Variants in RPTOR observed in about 807,000 individuals in gnomAD.
The protein encoded by RPTOR is regulatory associated protein of MTOR complex 1, also known as regulatory-associated protein of mTOR.
Under a neutral mutation model 169.9 loss-of-function variants are expected in RPTOR, and 21 were observed. That is an observed-to-expected ratio of 0.12 (90% CI 0.09 to 0.18). The LOEUF is 0.18. Ranked by LOEUF, RPTOR falls within the 10% of genes least tolerant of loss-of-function variation. The pLI is 1.00. For synonymous variants in RPTOR, 732 were observed against 753.2 expected (o/e 0.97, Z 0.46); for missense variants, 1,133 against 1,855.9 (o/e 0.61, Z 7.16).
At chr17:80,900,101 C>T (rs1167396641) in intron 20 of RPTOR, among the ~76,000 whole-genome samples, 1 of 152,164 alleles carries the variant, frequency 6.6e-6, no homozygotes, top group African/African-American at 2.4e-5. Flanking sequence ...TGGGCGTCCT[C>T]CCTCTGCAGC....
chr17:80,590,482 A>T (rs1474071556), intron 1 of RPTOR, among the ~76,000 whole-genome samples: 1 of 149,822 alleles, frequency 6.7e-6, no homozygotes. Flanking sequence ...GCATGCAGGT[A>T]TGCGCACATG....
At chr17:80,699,285 AG>A (rs2066063008) in intron 3 of RPTOR, among the ~76,000 whole-genome samples, 1 of 152,240 alleles carries the variant, frequency 6.6e-6, no homozygotes, top group Non-Finnish European at 1.5e-5. Flanking sequence ...GTAAATCAGC[AG>A]GTAGAGTCCA....
At chr17:80,583,182 GTTTTTTTTTT>G (rs1166711662) in intron 1 of RPTOR, among the ~76,000 whole-genome samples, 3 of 79,270 alleles carry the variant, frequency 3.8e-5, no homozygotes, top group Non-Finnish European at 4.9e-5. Context: ...CCTCTTTCCT[GTTTTTTTTTT>G]TTTTTTTTTT....
At chr17:80,770,855 C>G (rs1248220331) in intron 6 of RPTOR, among the ~76,000 whole-genome samples, 1 of 152,242 alleles carries the variant, frequency 6.6e-6, no homozygotes, top group Non-Finnish European at 1.5e-5. Context: ...CCTAAGCCCA[C>G]CCACCTCTTT....
chr17:80,578,669 C>T (rs1043355595), intron 1 of RPTOR, among the ~76,000 whole-genome samples: 1 of 152,096 alleles, frequency 6.6e-6, no homozygotes, highest in African/African-American at 2.4e-5. Flanking sequence ...TTGACTGAGA[C>T]GGTAACTACA....
Position 80,923,526 on chromosome 17 carries a change from C to A in RPTOR, c.2661C>A (p.Ser887Arg). 1 of 1,613,418 alleles carries A rather than the reference C, an allele frequency of 6.2e-7. No individual in the cohort carries two copies. Among genetic ancestry groups the A allele is most frequent in the Non-Finnish European group, 8.5e-7 (1 of 1,180,000 alleles). ...CGGCGTCCAGCACCAGCAGCTCCAG[C>A]CTGACCAACGATGTGGCCAAGCAGC... is the stretch of plus-strand genomic sequence containing the variant. ...SPPASSTSSS[S>R]LTNDVAKQPV... is the part of the protein sequence containing the mutation. Residue 887 changes from serine (S) to arginine (R), a missense_variant, in exon 23 of 34, where the codon AGC (serine) becomes AGA (arginine). Ser to Arg is a moderately radical substitution (Grantham distance 110). Around this residue, in one of 9 missense-constraint regions of RPTOR, gnomAD observed 123 missense variants for 129.0 expected, o/e 0.95. Transcript: ENST00000306801.
intron 28 of RPTOR, among the ~76,000 whole-genome samples, chr17:80,955,050 G>T (rs185085851): frequency 2.0e-5 from 3 of 152,280 alleles, no homozygotes; most frequent in African/African-American, 4.8e-5. Context: ...ACTATAAAAG[G>T]CACATGCAGT....
chr17:80,596,103 C>T (rs1418742317), intron 1 of RPTOR, among the ~76,000 whole-genome samples: 1 of 152,172 alleles, frequency 6.6e-6, no homozygotes, highest in Non-Finnish European at 1.5e-5. Context: ...AAAACATGGT[C>T]CTCCAGAAGC....
chr17:80,853,774 CA>C (rs1567950173), intron 11 of RPTOR, among the ~76,000 whole-genome samples: 1 of 152,182 alleles, frequency 6.6e-6, no homozygotes. Flanking sequence ...GTCAGGAGAT[CA>C]AGACCATCCT....
intron 11 of RPTOR, among the ~76,000 whole-genome samples, chr17:80,854,547 A>G (rs1034771809): frequency 4.6e-5 from 7 of 152,228 alleles, no homozygotes; most frequent in Admixed American, 3.3e-4. Context: ...GAAAAGAATC[A>G]TGTACATGTG....
chr17:80,853,665 AAAG>A (rs2067819612), intron 11 of RPTOR, among the ~76,000 whole-genome samples: 1 of 152,188 alleles, frequency 6.6e-6, no homozygotes, highest in African/African-American at 2.4e-5. Flanking sequence ...GAAAAAATCA[AAAG>A]AAGTAATGCC....
intron 3 of RPTOR, among the ~76,000 whole-genome samples, chr17:80,679,210 G>A (rs1432205676): frequency 2.0e-5 from 3 of 152,226 alleles, no homozygotes; most frequent in African/African-American, 7.2e-5. Context: ...CCCAGAGGTG[G>A]AGGTTGCAGT....
chr17:80,648,675 A>C (rs2065615303), intron 3 of RPTOR, among the ~76,000 whole-genome samples: 2 of 152,142 alleles, frequency 1.3e-5, no homozygotes, highest in Non-Finnish European at 2.9e-5. Context: ...TGGTATCAGC[A>C]CAAGTCACTC....
chr17:80,743,210 T>G, intron 5 of RPTOR: 1 of 983,640 alleles, frequency 1.0e-6, no homozygotes, highest in Non-Finnish European at 1.2e-6. Context: ...TAGCCAAGGC[T>G]CTCTCTCTTA....
At chr17:80,889,436 G>A (rs542056981) in intron 17 of RPTOR, among the ~76,000 whole-genome samples, 11 of 152,306 alleles carry the variant, frequency 7.2e-5, no homozygotes, top group Admixed American at 1.3e-4. Context: ...TTTGACAAGC[G>A]ACCGGTCAGA....
chr17:80,731,671 A>AG (rs908377686), intron 5 of RPTOR, among the ~76,000 whole-genome samples: 2 of 152,232 alleles, frequency 1.3e-5, no homozygotes, highest in Admixed American at 1.3e-4. Context: ...TGCAGCCTCA[A>AG]GGGGGTCATG....
chr17:80,700,954 A>T (rs1370632387), intron 3 of RPTOR, among the ~76,000 whole-genome samples: 4 of 152,000 alleles, frequency 2.6e-5, no homozygotes, highest in Non-Finnish European at 2.9e-5. Context: ...TAGACTCAAC[A>T]GGATGCAATG....
intron 21 of RPTOR, among the ~76,000 whole-genome samples, chr17:80,921,630 C>T (rs2068746107): frequency 6.6e-6 from 1 of 152,214 alleles, no homozygotes; most frequent in South Asian, 2.1e-4. Context: ...AGGGCTCAAG[C>T]TGGTACAAAT....
intron 3 of RPTOR, among the ~76,000 whole-genome samples, chr17:80,664,198 G>A (rs1483360592): frequency 6.6e-6 from 1 of 152,144 alleles, no homozygotes; most frequent in Non-Finnish European, 1.5e-5. Context: ...TCTCATGGGG[G>A]CTGGGCTTCC....
Sources: allele counts gnomAD v4.1 joint callset (sites outside exome capture counted in the v4.1 genomes callset), GRCh38; gene constraint gnomAD v4.1.1; regional missense constraint gnomAD v4.1.1; transcripts MANE v1.5; gene names NCBI Gene and HGNC (gene_info 2026-07-23, HGNC 2026-07-21).